LDLRAP1: variants seen among roughly 807,000 people sequenced by gnomAD.
LDLRAP1 encodes the protein low density lipoprotein receptor adaptor protein 1, also known as low density lipoprotein receptor adapter protein 1.
Under a neutral mutation model 37.8 loss-of-function variants are expected in LDLRAP1, and 30 were observed. The ratio of observed to expected loss-of-function variants is 0.79; its 90% CI spans 0.59 to 1.08. The LOEUF is 1.08. LDLRAP1 is among the 50% of genes least tolerant of loss of function. The pLI, the probability that LDLRAP1 is intolerant of heterozygous loss-of-function variation, is 0.00. For missense variants in LDLRAP1, 375 were observed against 401.6 expected (o/e 0.93, Z 0.57); for synonymous variants, 156 against 169.8 (o/e 0.92, Z 0.63).
chr1:25,589,119 C>T, the LDLRAP1 span, among the ~76,000 whole-genome samples: 2 of 152,106 alleles, frequency 1.3e-5, no homozygotes, highest in Non-Finnish European at 2.9e-5. Context: ...GCCTGACCAA[C>T]ATGACAAAAC....
chr1:25,572,230 C>T (rs557042498), downstream of LDLRAP1, among the ~76,000 whole-genome samples: 22 of 152,218 alleles, frequency 1.4e-4, no homozygotes, highest in Non-Finnish European at 2.9e-4. Flanking sequence ...TGAGTCAGTT[C>T]ATCAGGAGGG....
downstream of LDLRAP1, among the ~76,000 whole-genome samples, chr1:25,572,820 T>C (rs1450295039): frequency 6.6e-6 from 1 of 152,176 alleles, no homozygotes; most frequent in Non-Finnish European, 1.5e-5. Context: ...TTCTTGAGCA[T>C]GTAATGAGCA....
At chr1:25,578,549 G>T in the LDLRAP1 span, among the ~76,000 whole-genome samples, 11 of 151,562 alleles carry the variant, frequency 7.3e-5, no homozygotes, top group Non-Finnish European at 1.3e-4. Flanking sequence ...TCACTCTGTC[G>T]CCCAGGCTGG....
At chr1:25,565,799 G>A (rs1021472748) in intron 8 of LDLRAP1, among the ~76,000 whole-genome samples, 6 of 152,134 alleles carry the variant, frequency 3.9e-5, no homozygotes, top group African/African-American at 1.4e-4. Flanking sequence ...TCAGGGTTCC[G>A]AGCCCTGGGT....
At chr1:25,583,099 C>G in the LDLRAP1 span, among the ~76,000 whole-genome samples, 1 of 151,184 alleles carries the variant, frequency 6.6e-6, no homozygotes, top group African/African-American at 2.4e-5. Flanking sequence ...CCATTCCACT[C>G]TCTTTTTGTT....
chr1:25,588,821 T>C, the LDLRAP1 span, among the ~76,000 whole-genome samples: 2 of 152,186 alleles, frequency 1.3e-5, no homozygotes, highest in Non-Finnish European at 2.9e-5. Flanking sequence ...CCCTTCAAAG[T>C]GGCCTCACAG....
the LDLRAP1 span, among the ~76,000 whole-genome samples, chr1:25,582,496 A>T: frequency 6.6e-6 from 1 of 150,528 alleles, no homozygotes; most frequent in East Asian, 1.9e-4. Context: ...GAGGCAGGAG[A>T]ATCGCTTGAA....
the LDLRAP1 span, among the ~76,000 whole-genome samples, chr1:25,581,062 G>A: frequency 1.3e-5 from 2 of 152,146 alleles, no homozygotes; most frequent in East Asian, 1.9e-4. Flanking sequence ...AATTCTAGAT[G>A]TTACTGCCAT....
chr1:25,548,707 T>C (rs1229299807), intron 1 of LDLRAP1, among the ~76,000 whole-genome samples: 10 of 152,150 alleles, frequency 6.6e-5, no homozygotes, highest in Non-Finnish European at 1.3e-4. Context: ...AAGGTCTCAC[T>C]CTATTGCCCA....
At chr1:25,558,559 C>T (rs2044265979) in intron 4 of LDLRAP1, among the ~76,000 whole-genome samples, 2 of 152,250 alleles carry the variant, frequency 1.3e-5, no homozygotes, top group African/African-American at 4.8e-5. Flanking sequence ...CATTTCCTTA[C>T]CTTTTCTACC....
chr1:25,581,979 G>A, the LDLRAP1 span, among the ~76,000 whole-genome samples: 1 of 152,218 alleles, frequency 6.6e-6, no homozygotes, highest in East Asian at 1.9e-4. Context: ...GAGATGGACA[G>A]ATGTGCACAG....
rs1478294353 is a variant in LDLRAP1 at position 25,566,882 on chromosome 1, G to T, written c.817G>T (p.Asp273Tyr). ...GTCTCGGACAAACCCTCAGGTCCTG[G>T]ACACTGGCCTGACAGCCCAGGACAT... ...AQSRTNPQVL[D>Y]TGLTAQDMHY... The change falls in exon 9 of 9, where the codon GAC becomes TAC. Residue 273 changes from aspartate to tyrosine, a missense_variant. Asp to Tyr is a radical substitution (Grantham distance 160). Coordinates refer to ENST00000374338, the MANE Select transcript of LDLRAP1 (RefSeq NM_015627.3). The T allele has an allele frequency of 1.9e-6, 3 of 1,612,662 alleles. No individual in the cohort carries two copies. In the South Asian group the frequency reaches 3.3e-5, roughly 18 times the overall value.
Position 25,554,783 on chromosome 1 carries a change from G to C in LDLRAP1, c.232-77G>C, listed in dbSNP as rs1190369526. On this transcript the variant is annotated intron_variant, in intron 2 of 8. Transcript: ENST00000374338. The surrounding 1 kb of genome is among the most constrained non-coding windows in gnomAD (Gnocchi z 5.4). ...GATGGGCCCCGTGCCTGGGGCTTAG[G>C]AACAGTGAAGTGTAAGCCATGAGGG... 2 of 1,182,426 alleles carry C rather than the reference G, an allele frequency of 1.7e-6. No homozygotes were observed. The highest frequency in any genetic ancestry group is 3.8e-5 in the Admixed American group (2 of 52,914). The allele number at this position is 1,182,426 out of a possible 1,614,324, so 73.2% of individuals were successfully genotyped here.
Position 25,566,915 on chromosome 1 carries a change from G to T in LDLRAP1, c.850G>T (p.Ala284Ser), listed in dbSNP as rs144622500. Residue 284 changes from alanine (A) to serine (S), a missense_variant, in exon 9 of 9, where the codon GCC becomes TCC. Physicochemically the swap from Ala to Ser is moderately conservative, Grantham distance 99. Coordinates refer to ENST00000374338, the MANE Select transcript of LDLRAP1 (RefSeq NM_015627.3). Reference protein sequence around the residue: ...TGLTAQDMHYAQCLSPVDWDK... With the variant: ...TGLTAQDMHYSQCLSPVDWDK... The stretch of plus-strand genomic sequence containing the variant: ...CCTGACAGCCCAGGACATGCATTAC[G>T]CCCAGTGCCTCTCGCCTGTCGACTG... The T allele has an allele frequency of 1.9e-6, 3 of 1,613,456 alleles. No individual in the cohort carries two copies. The highest frequency in any genetic ancestry group is 2.5e-6 in the Non-Finnish European group (3 of 1,179,946).
Position 25,567,490 on chromosome 1 carries a change from T to TAGTGATTTTCCCCCCACCCCCCAGCACAG in LDLRAP1, c.*498_*499insAGTGATTTTCCCCCCACCCCCCAGCACAG. 3.6e-6 allele frequency: 1 copy of TAGTGATTTTCCCCCCACCCCCCAGCACAG among 274,056 alleles called. No homozygotes were observed. Among genetic ancestry groups the TAGTGATTTTCCCCCCACCCCCCAGCACAG allele is most frequent in the South Asian group, 3.5e-5 (1 of 28,786 alleles). 17.0% of individuals were successfully genotyped at this position (274,056 alleles called of 1,614,324 possible). ...AGCACCCACAGCCGCAGAAGGGGAA[T>TAGTGATTTTCCCCCCACCCCCCAGCACAG]GTGTCCTCCTGCTCTGCTTCCTCAG... On this transcript the variant is annotated 3_prime_UTR_variant, in exon 9 of 9. Coordinates refer to ENST00000374338, the MANE Select transcript of LDLRAP1 (RefSeq NM_015627.3).
downstream of LDLRAP1, among the ~76,000 whole-genome samples, chr1:25,570,852 CCTT>C (rs1213134837): frequency 5.9e-5 from 9 of 152,200 alleles, no homozygotes; most frequent in South Asian, 2.1e-4. Context: ...GAATGAGACT[CCTT>C]CTCAAAATAA....
At chr1:25,569,847 G>A (rs535328745), downstream of LDLRAP1, among the ~76,000 whole-genome samples, 40 of 152,278 alleles carry the variant, frequency 2.6e-4, no homozygotes, top group African/African-American at 8.7e-4. Context: ...AGTGCTGGGC[G>A]GGGCCACAGC....
At chr1:25,548,335 CTTTTTTTTT>C (rs144789866) in intron 1 of LDLRAP1, among the ~76,000 whole-genome samples, 8 of 82,306 alleles carry the variant, frequency 9.7e-5, no homozygotes, top group Middle Eastern at 8.9e-3. Context: ...GATGGATACT[CTTTTTTTTT>C]TTTTTTTTTT....
In LDLRAP1 at chr1:25,565,317, C is replaced by T. The variant is rs140606967; in HGVS notation, c.782+110C>T. On this transcript the variant is annotated intron_variant, in intron 8 of 8. Coordinates refer to ENST00000374338, the MANE Select transcript of LDLRAP1 (RefSeq NM_015627.3). ...GATTAAGAACACAAGCCACTCAGAC[C>T]CCCTCCAGAGCAACAGTCCCATCCC... 1.5e-4 allele frequency: 179 copies of T among 1,221,212 alleles called. No individual in the cohort carries two copies. In the African/African-American group the frequency reaches 2.4e-3, roughly 17 times the overall value. The allele number at this position is 1,221,212 out of a possible 1,614,324, so 75.6% of individuals were successfully genotyped here.
Sources: gnomAD v4.1 joint callset for allele counts (sites outside exome capture counted in the v4.1 genomes callset) on GRCh38, gnomAD v4.1.1 for gene constraint, Gnocchi (gnomAD v3.1) non-coding constraint, MANE v1.5 for transcripts, NCBI Gene and HGNC (gene_info 2026-07-23, HGNC 2026-07-21) for gene names.